COMMD1: variants seen among roughly 807,000 people sequenced by gnomAD.
The protein encoded by COMMD1 is copper metabolism domain containing 1.
In COMMD1, 10 loss-of-function variants were observed where a neutral mutation model predicts 17.2. The observed-to-expected ratio is 0.58, with a 90% CI of 0.36 to 0.99. The LOEUF is 0.99. Ranked by LOEUF, COMMD1 falls within the 50% of genes least tolerant of loss-of-function variation. COMMD1 has a pLI of 0.01. For synonymous variants in COMMD1, 97 were observed against 91.6 expected (o/e 1.06, Z -0.34); for missense variants, 270 against 231.8 (o/e 1.17, Z -1.07).
intron 1 of COMMD1, among the ~76,000 whole-genome samples, chr2:61,909,113 C>T (rs899768260): frequency 6.6e-6 from 1 of 151,492 alleles, no homozygotes; most frequent in Non-Finnish European, 1.5e-5. Context: ...TTTTTAGTAG[C>T]GATGGGGTTT....
intron 1 of COMMD1, among the ~76,000 whole-genome samples, chr2:61,976,735 T>G (rs1035770665): frequency 6.6e-6 from 1 of 152,196 alleles, no homozygotes; most frequent in Non-Finnish European, 1.5e-5. Flanking sequence ...ACAGAATTTT[T>G]AGTAGTAAAC....
rs139775239 is a variant in COMMD1, at chr2:62,135,889, C to T, written c.521C>T (p.Thr174Met). 207 of 1,605,264 alleles carry T rather than the reference C, an allele frequency of 1.3e-4. 2 individuals carry two copies. In the South Asian group the frequency reaches 1.3e-3, roughly 10 times the overall value. ...GTCAAAGTCAACCAAATTCTGAAGA[C>T]GCTGTCAGAGGTAGAAGAAAGTATC... ...DEVKVNQILK[T>M]LSEVEESIST... is the part of the protein sequence containing the mutation. The change falls in exon 3 of 3, where the codon ACG (threonine) becomes ATG (methionine). Residue 174 changes from threonine (T) to methionine (M), a missense_variant. Transcript: ENST00000311832.
chr2:61,923,872 G>T (rs1470352017), intron 1 of COMMD1, among the ~76,000 whole-genome samples: 1 of 152,126 alleles, frequency 6.6e-6, no homozygotes, highest in Admixed American at 6.6e-5. Flanking sequence ...CTCCTCCCAG[G>T]CTGAAGCCAT....
intron 2 of COMMD1, among the ~76,000 whole-genome samples, chr2:62,031,944 T>G (rs551726654): frequency 4.6e-5 from 7 of 152,242 alleles, no homozygotes; most frequent in African/African-American, 1.7e-4. Flanking sequence ...CTTAGTTGAT[T>G]GTTGCTTCTG....
At chr2:62,096,021 A>G (rs1455985894) in intron 2 of COMMD1, among the ~76,000 whole-genome samples, 1 of 151,276 alleles carries the variant, frequency 6.6e-6, no homozygotes, top group South Asian at 2.1e-4. Context: ...GCACATTTCT[A>G]TTCAAATAGT....
chr2:62,086,619 C>A (rs1178477718), intron 2 of COMMD1, among the ~76,000 whole-genome samples: 1 of 152,026 alleles, frequency 6.6e-6, no homozygotes, highest in Admixed American at 6.6e-5. Flanking sequence ...CCCCTCTCAT[C>A]AAAAATATTT....
At chr2:62,092,738 A>G (rs908008040) in intron 2 of COMMD1, among the ~76,000 whole-genome samples, 1 of 152,184 alleles carries the variant, frequency 6.6e-6, no homozygotes, top group Non-Finnish European at 1.5e-5. Flanking sequence ...GCCCTTGACA[A>G]TAATGCAGTA....
At chr2:62,080,463 G>C (rs28411985) in intron 2 of COMMD1, among the ~76,000 whole-genome samples, 34 of 152,218 alleles carry the variant, frequency 2.2e-4, no homozygotes, top group African/African-American at 7.7e-4. Flanking sequence ...ATGTACATTT[G>C]GGCCATGTTG....
chr2:61,902,374 C>T (rs561504540), upstream of COMMD1, among the ~76,000 whole-genome samples: 125 of 151,642 alleles, frequency 8.2e-4, 1 homozygote, highest in African/African-American at 4.6e-4. Context: ...GGTGTGGTGG[C>T]GCACGCCTGT....
chr2:62,037,136 G>T (rs1670061212), intron 2 of COMMD1, among the ~76,000 whole-genome samples: 1 of 152,112 alleles, frequency 6.6e-6, no homozygotes, highest in Non-Finnish European at 1.5e-5. Flanking sequence ...TGCTAGTCAT[G>T]CCTCTGTCGT....
intron 1 of COMMD1, among the ~76,000 whole-genome samples, chr2:61,935,416 G>T (rs1173416830): frequency 6.6e-6 from 1 of 152,058 alleles, no homozygotes; most frequent in Non-Finnish European, 1.5e-5. Flanking sequence ...ATCACTTGAG[G>T]TTAGGAGTTC....
rs146560103 is a variant in COMMD1, at chr2:62,085,048, A to G, written c.463-50783A>G. Among the ~76,000 whole-genome samples the G allele has an allele frequency of 1.9e-3, 288 of 152,316 alleles. 4 individuals carry two copies. In the Middle Eastern group the frequency reaches 0.02, roughly 11 times the overall value. ...GGCCCTCTGAAGTGAGCAGGCAAAT[A>G]ACTATAACCCTAATTATAGAAGTAG... is the stretch of plus-strand genomic sequence containing the variant. On this transcript the variant is annotated intron_variant, in intron 2 of 2. Transcript: ENST00000311832.
intron 2 of COMMD1, among the ~76,000 whole-genome samples, chr2:62,071,769 C>G (rs1010455161): frequency 6.6e-6 from 1 of 152,196 alleles, no homozygotes; most frequent in Non-Finnish European, 1.5e-5. Context: ...ACCTGAAAAA[C>G]TAAATTCCCA....
intron 2 of COMMD1, among the ~76,000 whole-genome samples, chr2:62,114,805 G>A (rs1272150668): frequency 6.6e-6 from 1 of 152,192 alleles, no homozygotes; most frequent in Non-Finnish European, 1.5e-5. Flanking sequence ...GCCGATGCAT[G>A]TGTACAAGGC....
At chr2:62,038,623 T>C (rs761481278) in intron 2 of COMMD1, among the ~76,000 whole-genome samples, 41 of 152,086 alleles carry the variant, frequency 2.7e-4, no homozygotes, top group Non-Finnish European at 4.4e-4. Flanking sequence ...TCTTGGCTTA[T>C]TGCAACCTCA....
intron 1 of COMMD1, among the ~76,000 whole-genome samples, chr2:61,991,157 C>A (rs181178284): frequency 1.9e-4 from 29 of 151,578 alleles, no homozygotes; most frequent in Non-Finnish European, 3.7e-4. Flanking sequence ...TCTTTAGTAT[C>A]GTAGCCTAAT....
At chr2:61,899,153 A>G (rs916959210) in intron 1 of COMMD1, among the ~76,000 whole-genome samples, 4 of 152,248 alleles carry the variant, frequency 2.6e-5, no homozygotes, top group Middle Eastern at 3.4e-3. Flanking sequence ...TGAGCTAAAG[A>G]CACATTAAAA....
intron 2 of COMMD1, among the ~76,000 whole-genome samples, chr2:62,044,294 G>A (rs990754370): frequency 6.6e-6 from 1 of 152,122 alleles, no homozygotes; most frequent in African/African-American, 2.4e-5. Context: ...TCTTCATTCT[G>A]CTCAGTTAGT....
At chr2:62,112,579 A>AAC (rs1165119003) in intron 2 of COMMD1, among the ~76,000 whole-genome samples, 1 of 152,256 alleles carries the variant, frequency 6.6e-6, no homozygotes, top group Non-Finnish European at 1.5e-5. Context: ...GGACTAAACA[A>AAC]ACATTTATTG....
Sources: allele counts gnomAD v4.1 joint callset (sites outside exome capture counted in the v4.1 genomes callset), GRCh38; gene constraint gnomAD v4.1.1; transcripts MANE v1.5; gene names NCBI Gene and HGNC (gene_info 2026-07-23, HGNC 2026-07-21).